SNAPC1: variants seen among roughly 807,000 people sequenced by gnomAD.
SNAPC1 encodes the protein snRNA-activating protein complex subunit 1.
SNAPC1 carries 42 observed loss-of-function variants against 50.1 expected under a neutral mutation model. The ratio of observed to expected loss-of-function variants is 0.84; its 90% CI spans 0.65 to 1.08. The LOEUF (loss-of-function observed/expected upper bound fraction) is 1.08. SNAPC1 is among the 50% of genes least tolerant of loss of function. The pLI is 0.00. For synonymous variants in SNAPC1, 164 were observed against 144.2 expected (o/e 1.14, Z -0.98); for missense variants, 477 against 427.3 (o/e 1.12, Z -1.02).
intron 8 of SNAPC1, among the ~76,000 whole-genome samples, chr14:61,782,973 TA>T (rs938864890): frequency 2.0e-5 from 3 of 151,082 alleles, no homozygotes; most frequent in Non-Finnish European, 4.4e-5. Flanking sequence ...ATATATCAAT[TA>T]ATAGCTAGAT....
chr14:61,772,656 C>T (rs962741160), intron 4 of SNAPC1, among the ~76,000 whole-genome samples: 4 of 152,224 alleles, frequency 2.6e-5, no homozygotes, highest in African/African-American at 9.6e-5. Context: ...TCCCACAGTG[C>T]TGGGATTATA....
At chr14:61,789,112 T>G (rs1178886750) in intron 8 of SNAPC1, among the ~76,000 whole-genome samples, 1 of 151,626 alleles carries the variant, frequency 6.6e-6, no homozygotes, top group Non-Finnish European at 1.5e-5. Context: ...GTGCCTGTAG[T>G]CCCAGCTACT....
intron 8 of SNAPC1, among the ~76,000 whole-genome samples, chr14:61,790,637 A>G (rs950719885): frequency 1.3e-5 from 2 of 152,116 alleles, no homozygotes; most frequent in African/African-American, 4.8e-5. Flanking sequence ...GCACCCGGCT[A>G]TGTAACACTT....
At chr14:61,781,175 T>C (rs10137589) in intron 7 of SNAPC1, among the ~76,000 whole-genome samples, 52,590 of 151,784 alleles carry the variant, frequency 0.35, 9,549 homozygotes, top group South Asian at 0.44. Flanking sequence ...GTTGGCCGGG[T>C]GCGGTGGCTC....
At position 61,762,639 on chromosome 14, in the gene SNAPC1, G is replaced by A. The variant is rs568490211; in HGVS notation, c.128+51G>A. On this transcript the variant is annotated intron_variant, in intron 1 of 9. Transcript: ENST00000216294. ...CCTCTCCCTGCCCGCAGGTGGTGTA[G>A]AAAGTTGCCTCCTTCCCGGCGATAT... The A allele has an allele frequency of 1.6e-5, 26 of 1,607,056 alleles. No individual in the cohort carries two copies. The South Asian group carries it at 2.5e-4, about 16-fold the overall frequency.
chr14:61,776,110 C>G lies in SNAPC1; in HGVS notation c.550C>G (p.His184Asp). 2.5e-6 allele frequency: 4 copies of G among 1,592,488 alleles called. No individual in the cohort carries two copies. The highest frequency in any genetic ancestry group is 3.4e-6 in the Non-Finnish European group (4 of 1,174,538). The change falls in exon 5 of 10, where the codon CAT becomes GAT. Residue 184 changes from histidine (H) to aspartate (D), a missense_variant. His to Asp is a moderately conservative substitution (Grantham distance 81). Transcript: ENST00000216294. The stretch of plus-strand genomic sequence containing the variant: ...TTGCTTTTAGGAAATGCTGAATGTT[C>G]ATGATCATTATCAGAACATGAAACA... ...SDVLEEMLNV[H>D]DHYQNMKHVI...
At chr14:61,767,150 T>C in intron 2 of SNAPC1, 62 bp from the exon 3 acceptor site, 1 of 1,232,132 alleles carries the variant, frequency 8.1e-7, no homozygotes, top group Non-Finnish European at 1.1e-6. Context: ...ATTTTAAAAT[T>C]ATAATATGTT....
rs552084722 is a variant in SNAPC1 at position 61,762,458 on chromosome 14, G to T, written c.-3G>T. 95 of 1,612,714 alleles carry T rather than the reference G, an allele frequency of 5.9e-5. 1 individual carries two copies. The South Asian group carries it at 1.0e-3, about 18-fold the overall frequency. On this transcript the variant is annotated 5_prime_UTR_variant, in exon 1 of 10. Coordinates refer to ENST00000216294, the MANE Select transcript of SNAPC1 (RefSeq NM_003082.4). The stretch of plus-strand genomic sequence containing the variant: ...CTTCGGAGGCGTGCGGGCTTCGGGT[G>T]CCATGGGGACTCCTCCCGGCCTGCA...
intron 9 of SNAPC1, 51 bp from the exon 10 acceptor site, chr14:61,794,897 TG>T (rs2045177714): frequency 8.6e-6 from 11 of 1,285,754 alleles, no homozygotes; most frequent in East Asian, 2.3e-5. Flanking sequence ...TTTTTTTGTT[TG>T]TTTTTTTTTT....
chr14:61,792,929 T>C, intron 9 of SNAPC1, 27 bp downstream of exon 9: 1 of 1,146,846 alleles, frequency 8.7e-7, no homozygotes, highest in South Asian at 1.3e-5. Context: ...GTCAAACTAG[T>C]CAAGTAAACT....
intron 3 of SNAPC1, among the ~76,000 whole-genome samples, chr14:61,767,606 G>A (rs1465791498): frequency 4.3e-4 from 65 of 151,716 alleles, no homozygotes; most frequent in Admixed American, 4.2e-3. Flanking sequence ...TGGGACTACA[G>A]GCATGCGCCA....
chr14:61,767,591 G>A (rs2044958142), intron 3 of SNAPC1, among the ~76,000 whole-genome samples: 1 of 151,634 alleles, frequency 6.6e-6, no homozygotes, highest in Non-Finnish European at 1.5e-5. Flanking sequence ...AGCCTTCTGA[G>A]TAGCTGGGAC....
At chr14:61,793,240 A>AT (rs202134108) in intron 9 of SNAPC1, among the ~76,000 whole-genome samples, 14 of 150,342 alleles carry the variant, frequency 9.3e-5, no homozygotes, top group East Asian at 3.9e-4. Flanking sequence ...TGTTTTCTTT[A>AT]TTTTTTTTTC....
chr14:61,789,227 T>C (rs1314157054), intron 8 of SNAPC1, among the ~76,000 whole-genome samples: 1 of 114,774 alleles, frequency 8.7e-6, no homozygotes, highest in African/African-American at 3.6e-5. Flanking sequence ...CAAGACTCCA[T>C]CTCAAAAAAA....
At chr14:61,767,677 T>C in intron 3 of SNAPC1, among the ~76,000 whole-genome samples, 1 of 152,164 alleles carries the variant, frequency 6.6e-6, no homozygotes, top group East Asian at 1.9e-4. Flanking sequence ...TTGTCCAGGA[T>C]GGTCTTGATC....
intron 8 of SNAPC1, among the ~76,000 whole-genome samples, chr14:61,783,924 A>AG (rs1330324122): frequency 6.6e-6 from 1 of 152,196 alleles, no homozygotes; most frequent in Non-Finnish European, 1.5e-5. Flanking sequence ...ACTTAAGGTG[A>AG]GAAAAAAAGG....
chr14:61,768,081 G>T (rs2140174874), intron 3 of SNAPC1, among the ~76,000 whole-genome samples: 1 of 152,342 alleles, frequency 6.6e-6, no homozygotes, highest in Middle Eastern at 3.4e-3. Context: ...GCCCGGCCTT[G>T]TAGCTTTTTT....
chr14:61,791,081 G>A (rs1352692079), intron 8 of SNAPC1, among the ~76,000 whole-genome samples: 2 of 152,134 alleles, frequency 1.3e-5, no homozygotes, highest in East Asian at 3.9e-4. Context: ...GCGCGATCTC[G>A]GCTCACTGCA....
intron 9 of SNAPC1, among the ~76,000 whole-genome samples, chr14:61,793,867 G>T (rs2045170099): frequency 6.6e-6 from 1 of 152,060 alleles, no homozygotes; most frequent in African/African-American, 2.4e-5. Context: ...TGTTGGGCAG[G>T]CTGGTCTTGA....
Sources: allele counts gnomAD v4.1 joint callset (sites outside exome capture counted in the v4.1 genomes callset), GRCh38; gene constraint gnomAD v4.1.1; transcripts MANE v1.5; gene names NCBI Gene and HGNC (gene_info 2026-07-23, HGNC 2026-07-21).